The following SEMA3D variants were observed in gnomAD, a reference collection of about 807,000 sequenced individuals.
SEMA3D encodes semaphorin-3D.
A neutral mutation model predicts 100.1 loss-of-function variants in SEMA3D; 84 were observed. The observed-to-expected ratio is 0.84, with a 90% CI of 0.70 to 1.01. SEMA3D has a LOEUF of 1.01. SEMA3D is among the 50% of genes least tolerant of loss of function. The pLI, the probability that SEMA3D is intolerant of heterozygous loss-of-function variation, is 0.00. For synonymous variants in SEMA3D, 312 were observed against 320.7 expected (o/e 0.97, Z 0.29); for missense variants, 875 against 934.1 (o/e 0.94, Z 0.82).
At chr7:85,174,231 G>A (rs185898283) in intron 1 of SEMA3D, among the ~76,000 whole-genome samples, 11 of 152,258 alleles carry the variant, frequency 7.2e-5, no homozygotes, top group African/African-American at 1.2e-4. Context: ...AACCCACGGT[G>A]ATAAAGAATT....
chr7:85,127,975 T>C (rs1213855855), intron 2 of SEMA3D, among the ~76,000 whole-genome samples: 2 of 152,018 alleles, frequency 1.3e-5, no homozygotes, highest in Admixed American at 1.3e-4. Flanking sequence ...GGTTGTTTTT[T>C]AAACTCAAAA....
intron 8 of SEMA3D, among the ~76,000 whole-genome samples, chr7:85,061,437 C>A (rs1791476174): frequency 6.6e-6 from 1 of 152,140 alleles, no homozygotes; most frequent in Non-Finnish European, 1.5e-5. Context: ...CCCCTAAGTG[C>A]TTCGGTGATA....
intron 2 of SEMA3D, among the ~76,000 whole-genome samples, chr7:85,124,637 A>G (rs1431183645): frequency 6.6e-6 from 1 of 152,118 alleles, no homozygotes; most frequent in Non-Finnish European, 1.5e-5. Flanking sequence ...GAGGACAGAG[A>G]AAAGAGACTG....
At chr7:85,224,296 A>G in the SEMA3D span, among the ~76,000 whole-genome samples, 2 of 152,088 alleles carry the variant, frequency 1.3e-5, no homozygotes, top group Non-Finnish European at 2.9e-5. Context: ...AATTTAAATA[A>G]CTCTTCTGAA....
At chr7:85,106,866 C>T (rs746739920) in intron 3 of SEMA3D, among the ~76,000 whole-genome samples, 1 of 151,990 alleles carries the variant, frequency 6.6e-6, no homozygotes, top group African/African-American at 2.4e-5. Context: ...AACTCACTCA[C>T]TAAGAGGAGA....
chr7:85,202,049 T>TTCA, the SEMA3D span, among the ~76,000 whole-genome samples: 1 of 151,556 alleles, frequency 6.6e-6, no homozygotes, highest in Non-Finnish European at 1.5e-5. Flanking sequence ...TATTTATTTA[T>TTCA]TTATTATTAT....
intron 12 of SEMA3D, among the ~76,000 whole-genome samples, chr7:85,036,657 C>T (rs938635571): frequency 2.0e-5 from 3 of 151,918 alleles, no homozygotes; most frequent in African/African-American, 7.3e-5. Flanking sequence ...GGATAAGCTC[C>T]ACATTGTCCC....
chr7:85,238,372 AG>A, the SEMA3D span, among the ~76,000 whole-genome samples: 1 of 152,204 alleles, frequency 6.6e-6, no homozygotes, highest in Admixed American at 6.5e-5. Flanking sequence ...ACTTAAAATT[AG>A]TTCTTATGAA....
At chr7:85,179,193 G>A (rs956242075) in intron 1 of SEMA3D, among the ~76,000 whole-genome samples, 3 of 152,186 alleles carry the variant, frequency 2.0e-5, no homozygotes, top group Admixed American at 6.5e-5. Flanking sequence ...AGTGGCCAGA[G>A]CCTCCTGTAG....
chr7:85,165,375 G>C (rs1439426039), intron 1 of SEMA3D, among the ~76,000 whole-genome samples: 1 of 151,986 alleles, frequency 6.6e-6, no homozygotes, highest in Admixed American at 6.6e-5. Context: ...TTTGTGAATA[G>C]ATAATGTTTC....
At chr7:85,002,529 TG>T (rs1367966962) in intron 18 of SEMA3D, among the ~76,000 whole-genome samples, 2 of 152,178 alleles carry the variant, frequency 1.3e-5, no homozygotes, top group African/African-American at 2.4e-5. Context: ...TTTCATTCTT[TG>T]CTGAAATAGG....
intron 8 of SEMA3D, among the ~76,000 whole-genome samples, chr7:85,059,592 C>T (rs1033379898): frequency 6.6e-6 from 1 of 152,052 alleles, no homozygotes; most frequent in African/African-American, 2.4e-5. Flanking sequence ...CATAGTGGTA[C>T]AAAGTGTAGA....
At chr7:85,239,185 G>A in the SEMA3D span, among the ~76,000 whole-genome samples, 58,332 of 151,808 alleles carry the variant, frequency 0.38, 11,680 homozygotes, top group East Asian at 0.74. Flanking sequence ...TATGTGTTAC[G>A]GTTTAAATGT....
At position 85,072,145 on chromosome 7, in the gene SEMA3D, A is replaced by G. The variant is rs140146139; in HGVS notation, c.495+817T>C. Among the ~76,000 whole-genome samples, 668 of 152,360 alleles carry G rather than the reference A, an allele frequency of 4.4e-3. 6 individuals carry two copies. Among genetic ancestry groups the G allele is most frequent in the African/African-American group, 0.015 (621 of 41,592 alleles). On this transcript the variant is annotated intron_variant, in intron 6 of 18. Coordinates refer to ENST00000284136, the MANE Select transcript of SEMA3D (RefSeq NM_001384900.1). The stretch of plus-strand genomic sequence containing the variant: ...ATGTGAAGTGGATGGCATGAAGTCC[A>G]TAACACAAGGACAGTAAACTAAAGT...
chr7:85,188,940 G>A (rs142717216), upstream of SEMA3D, among the ~76,000 whole-genome samples: 1 of 152,152 alleles, frequency 6.6e-6, no homozygotes, highest in Non-Finnish European at 1.5e-5. Context: ...CAAAAGTGTT[G>A]GCTGTTTTGT....
chr7:85,112,678 G>A (rs1025996532), intron 3 of SEMA3D, among the ~76,000 whole-genome samples: 12 of 152,062 alleles, frequency 7.9e-5, no homozygotes, highest in Admixed American at 3.3e-4. Flanking sequence ...CTATAAAATA[G>A]GTATGAAAAC....
At chr7:85,180,884 G>A (rs982866087) in intron 1 of SEMA3D, among the ~76,000 whole-genome samples, 18 of 151,974 alleles carry the variant, frequency 1.2e-4, no homozygotes, top group East Asian at 3.9e-4. Flanking sequence ...GTTTGGTTTC[G>A]TTCATTTGCG....
At chr7:85,233,391 T>A in the SEMA3D span, among the ~76,000 whole-genome samples, 1 of 152,194 alleles carries the variant, frequency 6.6e-6, no homozygotes, top group East Asian at 1.9e-4. Context: ...TGAGTAGCCT[T>A]GAGTAAGTTT....
intron 9 of SEMA3D, among the ~76,000 whole-genome samples, chr7:85,043,573 T>C (rs1474576962): frequency 6.6e-6 from 1 of 152,106 alleles, no homozygotes; most frequent in Non-Finnish European, 1.5e-5. Context: ...AATATATACC[T>C]GTTGATATGG....
Sources: gnomAD v4.1 joint callset for allele counts (sites outside exome capture counted in the v4.1 genomes callset) on GRCh38, gnomAD v4.1.1 for gene constraint, MANE v1.5 for transcripts, NCBI Gene and HGNC (gene_info 2026-07-23, HGNC 2026-07-21) for gene names.